Variants in DLGAP2 observed in about 807,000 individuals in gnomAD.
The protein encoded by DLGAP2 is DLG associated protein 2.
Under a neutral mutation model 100.3 loss-of-function variants are expected in DLGAP2, and 26 were observed. The ratio of observed to expected loss-of-function variants is 0.26; its 90% CI spans 0.19 to 0.36. The LOEUF (loss-of-function observed/expected upper bound fraction) is 0.36, where lower values mean the gene tolerates loss of function less well. DLGAP2 is among the 10% of genes least tolerant of loss of function. The pLI is 1.00. For synonymous variants in DLGAP2, 886 were observed against 630.1 expected (o/e 1.41, Z -6.08); for missense variants, 1,858 against 1,453.2 (o/e 1.28, Z -4.53).
intron 6 of DLGAP2, 81 bp from the exon 7 acceptor site, chr8:1,626,659 T>G (rs995904366): frequency 5.8e-5 from 88 of 1,521,404 alleles, no homozygotes; most frequent in Non-Finnish European, 6.8e-5. Context: ...AGCCTCTGGG[T>G]GTGGGTTGGA....
intron 2 of DLGAP2, among the ~76,000 whole-genome samples, chr8:924,087 G>A (rs1202291482): frequency 1.3e-5 from 2 of 152,200 alleles, no homozygotes; most frequent in African/African-American, 2.4e-5. Flanking sequence ...CTATAAACAT[G>A]AGAAGTGCAC....
intron 2 of DLGAP2, among the ~76,000 whole-genome samples, chr8:1,142,379 A>G (rs1796537079): frequency 6.6e-6 from 1 of 152,222 alleles, no homozygotes; most frequent in Admixed American, 6.5e-5. Flanking sequence ...TGATAGGCTT[A>G]GCATATCCCT....
chr8:949,533 C>T (rs915092673), intron 2 of DLGAP2, among the ~76,000 whole-genome samples: 1 of 152,136 alleles, frequency 6.6e-6, no homozygotes, highest in South Asian at 2.1e-4. Flanking sequence ...AAGGCACAGT[C>T]GGGCCAGTGC....
chr8:1,122,472 A>G (rs1796071230), intron 2 of DLGAP2, among the ~76,000 whole-genome samples: 1 of 152,230 alleles, frequency 6.6e-6, no homozygotes, highest in Non-Finnish European at 1.5e-5. Context: ...ACGTAGAGAA[A>G]GATCACATTT....
intron 3 of DLGAP2, among the ~76,000 whole-genome samples, chr8:1,482,032 TTGG>T (rs1370365274): frequency 1.3e-5 from 2 of 152,236 alleles, no homozygotes; most frequent in Non-Finnish European, 2.9e-5. Flanking sequence ...CGGGGGAAAG[TTGG>T]TGATGTCTTC....
chr8:1,508,131 A>C (rs1280298061), intron 4 of DLGAP2, among the ~76,000 whole-genome samples: 1 of 151,868 alleles, frequency 6.6e-6, no homozygotes. Flanking sequence ...CTTTAAAGTT[A>C]GACACATCTA....
chr8:1,029,438 G>A (rs1420919275), intron 2 of DLGAP2, among the ~76,000 whole-genome samples: 1 of 152,244 alleles, frequency 6.6e-6, no homozygotes, highest in Non-Finnish European at 1.5e-5. Flanking sequence ...ATCAATGGAA[G>A]AGGTTCTGGT....
chr8:1,098,292 G>A (rs1804456424), intron 2 of DLGAP2, among the ~76,000 whole-genome samples: 1 of 152,220 alleles, frequency 6.6e-6, no homozygotes, highest in Non-Finnish European at 1.5e-5. Flanking sequence ...AATCGTTTTG[G>A]ATGCAAAATG....
At chr8:737,983 G>A (rs1251646293) in intron 1 of DLGAP2, 158 bp downstream of exon 1, 2 of 330,388 alleles carry the variant, frequency 6.1e-6, no homozygotes, top group Non-Finnish European at 1.1e-5. Flanking sequence ...GGGCCGGAGC[G>A]CTGGGGACCC....
intron 2 of DLGAP2, among the ~76,000 whole-genome samples, chr8:1,224,308 G>A (rs956984509): frequency 1.2e-4 from 18 of 152,192 alleles, no homozygotes; most frequent in African/African-American, 3.1e-4. Flanking sequence ...TAATTGACAT[G>A]CGTATTTGTA....
intron 3 of DLGAP2, among the ~76,000 whole-genome samples, chr8:1,338,556 G>C (rs568543584): frequency 6.6e-6 from 1 of 152,164 alleles, no homozygotes; most frequent in Non-Finnish European, 1.5e-5. Context: ...ATTACATAGC[G>C]GTGATTCTTG....
chr8:1,616,468 G>A (rs557465605), intron 6 of DLGAP2, among the ~76,000 whole-genome samples: 2 of 152,252 alleles, frequency 1.3e-5, no homozygotes, highest in South Asian at 4.1e-4. Flanking sequence ...TGGAAAACCA[G>A]AGAGAGACAA....
chr8:1,441,411 C>T (rs1191997928), intron 3 of DLGAP2, among the ~76,000 whole-genome samples: 7 of 152,028 alleles, frequency 4.6e-5, no homozygotes, highest in South Asian at 4.1e-4. Context: ...AGAACTTGGC[C>T]GGGCATGGTG....
At chr8:1,444,771 C>CTTTTTTTTTTTTTTTTTTTTTTTTT in intron 3 of DLGAP2, among the ~76,000 whole-genome samples, 1 of 79,852 alleles carries the variant, frequency 1.3e-5, no homozygotes. Flanking sequence ...CCAGGTCATT[C>CTTTTTTTTTTTTTTTTTTTTTTTTT]TTTTTTTTTT....
chr8:1,350,754 C>T (rs202068909), intron 3 of DLGAP2, among the ~76,000 whole-genome samples: 14 of 70,796 alleles, frequency 2.0e-4, no homozygotes, highest in South Asian at 1.5e-3. Flanking sequence ...GTGGAAAGGC[C>T]GCGCGGGTCC....
intron 2 of DLGAP2, among the ~76,000 whole-genome samples, chr8:1,141,793 G>A (rs569014351): frequency 1.3e-5 from 2 of 152,192 alleles, no homozygotes; most frequent in African/African-American, 4.8e-5. Flanking sequence ...TGAAAAAAAT[G>A]ACTCAAGGCT....
intron 3 of DLGAP2, among the ~76,000 whole-genome samples, chr8:1,331,433 C>G (rs970979581): frequency 6.6e-6 from 1 of 152,118 alleles, no homozygotes; most frequent in Non-Finnish European, 1.5e-5. Flanking sequence ...CTTTGCAAAC[C>G]TGCCCTCCTT....
chr8:955,174 C>T (rs955444363), intron 2 of DLGAP2, among the ~76,000 whole-genome samples: 3 of 151,994 alleles, frequency 2.0e-5, no homozygotes, highest in East Asian at 1.9e-4. Context: ...GAAGCTCACC[C>T]GTGTATGCTG....
intron 3 of DLGAP2, among the ~76,000 whole-genome samples, chr8:1,294,745 T>G (rs1006624188): frequency 2.0e-5 from 3 of 152,110 alleles, no homozygotes; most frequent in Non-Finnish European, 4.4e-5. Context: ...GGTGCACACG[T>G]GTAATCCTGG....
Sources: allele counts gnomAD v4.1 joint callset (sites outside exome capture counted in the v4.1 genomes callset), GRCh38; gene constraint gnomAD v4.1.1; transcripts MANE v1.5; gene names NCBI Gene and HGNC (gene_info 2026-07-23, HGNC 2026-07-21).